The following HEMK2 variants were observed in gnomAD, a reference collection of about 807,000 sequenced individuals.
HEMK2 encodes the protein methyltransferase HEMK2.
At chr21:28,604,758 C>A in the HEMK2 span, among the ~76,000 whole-genome samples, 2 of 152,224 alleles carry the variant, frequency 1.3e-5, no homozygotes, top group African/African-American at 4.8e-5. Context: ...ACATACCACT[C>A]TTGCCTCTCC....
At chr21:28,625,282 C>T in the HEMK2 span, among the ~76,000 whole-genome samples, 2 of 152,260 alleles carry the variant, frequency 1.3e-5, no homozygotes, top group South Asian at 2.1e-4. Flanking sequence ...AAAAAGCTAG[C>T]TATTGCAAAA....
chr21:28,631,841 T>C, the HEMK2 span, among the ~76,000 whole-genome samples: 2 of 151,750 alleles, frequency 1.3e-5, no homozygotes, highest in African/African-American at 4.8e-5. Flanking sequence ...TTTAAAAAAA[T>C]TTTTTTTATC....
the HEMK2 span, among the ~76,000 whole-genome samples, chr21:28,866,352 G>A: frequency 6.6e-6 from 1 of 150,754 alleles, no homozygotes; most frequent in African/African-American, 2.4e-5. Flanking sequence ...GGGAGGCTGA[G>A]TCAGGAGAAT....
the HEMK2 span, among the ~76,000 whole-genome samples, chr21:28,620,693 A>G: frequency 3.7e-5 from 1 of 26,982 alleles, no homozygotes; most frequent in Non-Finnish European, 6.3e-5. Context: ...TTTTTTTTTG[A>G]GACAGAGTCT....
the HEMK2 span, among the ~76,000 whole-genome samples, chr21:28,775,657 T>C: frequency 2.0e-5 from 3 of 152,152 alleles, no homozygotes; most frequent in Non-Finnish European, 2.9e-5. Flanking sequence ...GTCAAATTCT[T>C]CTGAGAAGTT....
At chr21:28,743,918 A>G in the HEMK2 span, among the ~76,000 whole-genome samples, 1 of 152,238 alleles carries the variant, frequency 6.6e-6, no homozygotes, top group African/African-American at 2.4e-5. Flanking sequence ...GCCATGAAAA[A>G]GAACAAGATT....
At chr21:28,802,701 A>G in the HEMK2 span, among the ~76,000 whole-genome samples, 1 of 152,266 alleles carries the variant, frequency 6.6e-6, no homozygotes, top group Non-Finnish European at 1.5e-5. Context: ...ACTGCACTTC[A>G]GCCTGGGTGA....
chr21:28,877,301 A>AAGG, the HEMK2 span, among the ~76,000 whole-genome samples: 55 of 55,152 alleles, frequency 1.0e-3, no homozygotes, highest in African/African-American at 2.2e-3. Context: ...AGGAAGGAAG[A>AAGG]GAGAGAGAAA....
the HEMK2 span, among the ~76,000 whole-genome samples, chr21:28,782,549 A>G: frequency 6.6e-6 from 1 of 152,234 alleles, no homozygotes; most frequent in Admixed American, 6.5e-5. Context: ...ATGTCATAAA[A>G]GGAGACACGA....
the HEMK2 span, among the ~76,000 whole-genome samples, chr21:28,659,326 G>C: frequency 6.6e-6 from 1 of 152,070 alleles, no homozygotes; most frequent in Non-Finnish European, 1.5e-5. Context: ...TAATTAACCT[G>C]TTAGAGCATT....
the HEMK2 span, among the ~76,000 whole-genome samples, chr21:28,827,746 G>C: frequency 6.6e-6 from 1 of 152,314 alleles, no homozygotes; most frequent in Non-Finnish European, 1.5e-5. Context: ...GTATTCTACT[G>C]TTATAATTGC....
chr21:28,617,497 G>A, the HEMK2 span, among the ~76,000 whole-genome samples: 1 of 152,162 alleles, frequency 6.6e-6, no homozygotes, highest in Non-Finnish European at 1.5e-5. Context: ...AACCATTGCT[G>A]TAAGCTCTCA....
the HEMK2 span, among the ~76,000 whole-genome samples, chr21:28,715,353 G>A: frequency 6.6e-6 from 1 of 151,898 alleles, no homozygotes; most frequent in African/African-American, 2.4e-5. Context: ...ATGCAAGATG[G>A]TATCTCATTG....
At chr21:28,755,703 AACAG>A in the HEMK2 span, among the ~76,000 whole-genome samples, 7 of 103,614 alleles carry the variant, frequency 6.8e-5, no homozygotes, top group African/African-American at 2.4e-4. Context: ...CCATTCAACA[AACAG>A]TTACTCAGTG....
the HEMK2 span, among the ~76,000 whole-genome samples, chr21:28,839,381 CAA>C: frequency 6.6e-6 from 1 of 152,072 alleles, no homozygotes; most frequent in South Asian, 2.1e-4. Context: ...AGCCATCAGA[CAA>C]GAGAAAGAAA....
chr21:28,649,791 G>A, the HEMK2 span, among the ~76,000 whole-genome samples: 1 of 152,042 alleles, frequency 6.6e-6, no homozygotes, highest in African/African-American at 2.4e-5. Flanking sequence ...GGGGCAATAA[G>A]AATTTGAAGG....
chr21:28,656,605 C>T, the HEMK2 span, among the ~76,000 whole-genome samples: 2 of 152,046 alleles, frequency 1.3e-5, no homozygotes, highest in African/African-American at 4.8e-5. Context: ...CTACTAAAAC[C>T]ATCTTTAATT....
the HEMK2 span, among the ~76,000 whole-genome samples, chr21:28,808,720 T>C: frequency 6.6e-6 from 1 of 152,164 alleles, no homozygotes; most frequent in Non-Finnish European, 1.5e-5. Flanking sequence ...TAACCTTGTA[T>C]ACCGTGATTT....
At chr21:28,831,033 T>C in the HEMK2 span, among the ~76,000 whole-genome samples, 1 of 152,190 alleles carries the variant, frequency 6.6e-6, no homozygotes, top group African/African-American at 2.4e-5. Flanking sequence ...TGTAGATTTA[T>C]GAGCCCAGGA....
Sources: allele counts gnomAD v4.1 joint callset (sites outside exome capture counted in the v4.1 genomes callset), GRCh38; gene constraint gnomAD v4.1.1; transcripts MANE v1.5; gene names NCBI Gene and HGNC (gene_info 2026-07-23, HGNC 2026-07-21).